The following PCDH17 variants were observed in gnomAD, a reference collection of about 807,000 sequenced individuals.
PCDH17 encodes protocadherin 17.
PCDH17 carries 21 observed loss-of-function variants against 67.7 expected under a neutral mutation model. The observed-to-expected ratio is 0.31, with a 90% CI of 0.22 to 0.45. PCDH17 has a LOEUF of 0.45. PCDH17 is among the 20% of genes least tolerant of loss of function. The pLI is 1.00. For synonymous variants in PCDH17, 701 were observed against 656.7 expected, an observed-to-expected ratio of 1.07 and a Z score of -1.03; for missense variants, 1,471 against 1,564.8, an observed-to-expected ratio of 0.94 and a Z score of 1.01.
At chr13:57,637,725 G>A (rs1182166805) in intron 1 of PCDH17, among the ~76,000 whole-genome samples, 1 of 151,976 alleles carries the variant, frequency 6.6e-6, no homozygotes, top group Non-Finnish European at 1.5e-5. Flanking sequence ...GGAATGAAAA[G>A]AATTTCATAA....
intron 3 of PCDH17, among the ~76,000 whole-genome samples, chr13:57,690,762 G>A (rs1357170951): frequency 1.3e-5 from 2 of 151,398 alleles, no homozygotes; most frequent in African/African-American, 2.4e-5. Flanking sequence ...TAAGTCCTTT[G>A]TAGTATCATT....
At chr13:57,658,764 G>GTTTGTTTTGT (rs61473114) in intron 1 of PCDH17, among the ~76,000 whole-genome samples, 3,625 of 150,098 alleles carry the variant, frequency 0.024, 80 homozygotes, top group African/African-American at 0.051. Flanking sequence ...TTTTTCGTTT[G>GTTTGTTTTGT]TTTGTTTTGT....
chr13:57,687,109 C>A (rs78929150), intron 3 of PCDH17, among the ~76,000 whole-genome samples: 1 of 152,030 alleles, frequency 6.6e-6, no homozygotes, highest in East Asian at 1.9e-4. Flanking sequence ...AATGGCACAT[C>A]GTGCAATTCT....
Position 57,635,017 on chromosome 13 carries a change from C to T in PCDH17, c.2471C>T (p.Thr824Ile). 6.2e-7 allele frequency: 1 copy of T among 1,613,594 alleles called. No individual in the cohort carries two copies. The highest frequency in any genetic ancestry group is 8.5e-7 in the Non-Finnish European group (1 of 1,180,030). ...CTCAAACCGGCCTCCAACAACCTGA[C>T]TGTCCCTCAGGGGCACGCGGGCTGC... The part of the protein sequence containing the change: ...MYLKPASNNL[T>I]VPQGHAGCHT... The change falls in exon 1 of 4, where the codon ACT becomes ATT. Residue 824 changes from threonine (T) to isoleucine (I), a missense_variant. By Grantham distance (89) the Thr-to-Ile change is moderately conservative. Around this residue, in one of 3 missense-constraint regions of PCDH17, gnomAD observed 1,163 missense variants for 1,230.0 expected, o/e 0.95. Transcript: ENST00000377918.
rs1566213135 is a variant in PCDH17 at position 57,633,721 on chromosome 13, T to C, written c.1175T>C (p.Leu392Pro). Residue 392 changes from leucine (L) to proline (P), a missense_variant, in exon 1 of 4, where the codon CTA becomes CCA. Physicochemically the swap from Leu to Pro is moderately conservative, Grantham distance 98. Coordinates refer to ENST00000377918, the MANE Select transcript of PCDH17 (RefSeq NM_001040429.3). This position sits in a 1 kb window ranked among gnomAD's most constrained non-coding sequence, Gnocchi z 6.2. ...GKNGQLQCRVLGGGGTGGGGG... is the reference protein window; with the variant it reads ...GKNGQLQCRVPGGGGTGGGGG... ...AACGGACAGCTGCAGTGTCGGGTCC[T>C]AGGCGGAGGAGGGACGGGCGGCGGC... The C allele has an allele frequency of 1.2e-6, 2 of 1,601,112 alleles. No homozygotes were observed. Among genetic ancestry groups the C allele is most frequent in the Admixed American group, 3.3e-5 (2 of 59,788 alleles).
intron 3 of PCDH17, among the ~76,000 whole-genome samples, chr13:57,705,906 T>C (rs1043356965): frequency 1.3e-5 from 2 of 151,900 alleles, no homozygotes; most frequent in East Asian, 3.9e-4. Context: ...TCCCAGCTAC[T>C]TGGGAGGCTG....
At chr13:57,664,380 T>C (rs999885642) in intron 1 of PCDH17, among the ~76,000 whole-genome samples, 3 of 152,326 alleles carry the variant, frequency 2.0e-5, no homozygotes, top group African/African-American at 7.2e-5. Context: ...AGCTCTTCAT[T>C]CAATGGAAAT....
rs562915808 is a variant in PCDH17 at position 57,656,050 on chromosome 13, A to C, written c.2566-10418A>C. Among the ~76,000 whole-genome samples the C allele has an allele frequency of 3.9e-5, 6 of 152,138 alleles. No homozygotes were observed. In the South Asian group the frequency reaches 1.2e-3, roughly 32 times the overall value. On this transcript the variant is annotated intron_variant, in intron 1 of 3. Coordinates refer to ENST00000377918, the MANE Select transcript of PCDH17 (RefSeq NM_001040429.3). ...TGGGTATATGATGGACAAATCTATG[A>C]AAGTCACTTAGCTACAGTTTCTTTG... is the stretch of plus-strand genomic sequence containing the variant.
At chr13:57,688,431 A>T (rs1025338732) in intron 3 of PCDH17, among the ~76,000 whole-genome samples, 4 of 152,120 alleles carry the variant, frequency 2.6e-5, no homozygotes, top group Non-Finnish European at 4.4e-5. Flanking sequence ...GACATAATTG[A>T]CACATAGTAA....
intron 1 of PCDH17, among the ~76,000 whole-genome samples, chr13:57,647,478 T>C (rs559450541): frequency 1.5e-3 from 233 of 151,714 alleles, no homozygotes; most frequent in Non-Finnish European, 2.1e-3. Context: ...TTCAAATAAA[T>C]ATGTTGATAA....
intron 3 of PCDH17, among the ~76,000 whole-genome samples, chr13:57,670,047 G>C (rs1955301103): frequency 6.6e-6 from 1 of 151,928 alleles, no homozygotes; most frequent in Non-Finnish European, 1.5e-5. Flanking sequence ...TAACTATTAA[G>C]CAACTTTTTT....
intron 3 of PCDH17, among the ~76,000 whole-genome samples, chr13:57,688,241 G>A (rs1412248940): frequency 6.6e-6 from 1 of 151,870 alleles, no homozygotes; most frequent in Non-Finnish European, 1.5e-5. Context: ...GAGCTCAGGA[G>A]TACTAGGCTG....
intron 1 of PCDH17, among the ~76,000 whole-genome samples, chr13:57,660,953 G>A (rs1955174929): frequency 6.6e-6 from 1 of 152,148 alleles, no homozygotes; most frequent in African/African-American, 2.4e-5. Flanking sequence ...TACCTAGGCT[G>A]ATTCCAGTTT....
intron 1 of PCDH17, among the ~76,000 whole-genome samples, chr13:57,648,544 T>G (rs2807634): frequency 6.6e-6 from 1 of 151,758 alleles, no homozygotes; most frequent in African/African-American, 2.4e-5. Flanking sequence ...AAAATTTGAA[T>G]AAATAAAGGC....
rs1434054958 is a variant in PCDH17 at position 57,666,788 on chromosome 13, C to T, written c.2752C>T (p.Leu918Phe). ...SCCDMSVREA[L>F]KMKTTSTKSQ... Reference sequence around the variant, plus strand: ...CTGTGACATGTCTGTTAGGGAGGCACTCAAGATGAAAACTACTTCAACTAA... The same window carrying T: ...CTGTGACATGTCTGTTAGGGAGGCATTCAAGATGAAAACTACTTCAACTAA... The change falls in exon 3 of 4, where the codon CTC becomes TTC. Residue 918 changes from leucine (L) to phenylalanine (F), a missense_variant. Physicochemically the swap from Leu to Phe is conservative, Grantham distance 22. Around this residue, in one of 3 missense-constraint regions of PCDH17, gnomAD observed 297 missense variants for 298.6 expected, o/e 0.99. Coordinates refer to ENST00000377918, the MANE Select transcript of PCDH17 (RefSeq NM_001040429.3). The T allele has an allele frequency of 1.2e-6, 2 of 1,612,466 alleles. No individual in the cohort carries two copies. The highest frequency in any genetic ancestry group is 2.7e-5 in the African/African-American group (2 of 74,822).
chr13:57,702,163 C>T (rs1301097828), intron 3 of PCDH17, among the ~76,000 whole-genome samples: 2 of 151,888 alleles, frequency 1.3e-5, no homozygotes, highest in African/African-American at 2.4e-5. Context: ...GGTGATCCAC[C>T]GCCTCGGCCT....
chr13:57,665,494 C>A (rs2138022594), intron 1 of PCDH17, among the ~76,000 whole-genome samples: 1 of 152,220 alleles, frequency 6.6e-6, no homozygotes, highest in South Asian at 2.1e-4. Flanking sequence ...ATCCCTGTGT[C>A]ACTGATACTT....
intron 3 of PCDH17, among the ~76,000 whole-genome samples, chr13:57,702,707 G>A (rs890945568): frequency 7.9e-5 from 12 of 152,150 alleles, no homozygotes; most frequent in Non-Finnish European, 1.5e-4. Flanking sequence ...TACTGAAAGA[G>A]CTCAGCAGTA....
intron 1 of PCDH17, among the ~76,000 whole-genome samples, chr13:57,643,911 G>C (rs1954934521): frequency 6.6e-6 from 1 of 151,624 alleles, no homozygotes; most frequent in African/African-American, 2.4e-5. Flanking sequence ...TAAGCTTATA[G>C]ATATGCATTG....
Sources: allele counts gnomAD v4.1 joint callset (sites outside exome capture counted in the v4.1 genomes callset), GRCh38; gene constraint gnomAD v4.1.1; regional missense constraint gnomAD v4.1.1; non-coding constraint Gnocchi (gnomAD v3.1); transcripts MANE v1.5; gene names NCBI Gene and HGNC (gene_info 2026-07-23, HGNC 2026-07-21).